The following HOOK3 variants were observed in gnomAD, a reference collection of about 807,000 sequenced individuals.
HOOK3 encodes hook microtubule tethering protein 3.
Under a neutral mutation model 116.3 loss-of-function variants are expected in HOOK3, and 24 were observed. That is an observed-to-expected ratio of 0.21 (90% CI 0.15 to 0.29). HOOK3 has a LOEUF of 0.29. HOOK3 is among the 10% of genes least tolerant of loss of function. HOOK3 has a pLI of 1.00. For missense variants in HOOK3, 632 were observed against 830.2 expected, an observed-to-expected ratio of 0.76 and a Z score of 2.93; for synonymous variants, 275 against 283.0, an observed-to-expected ratio of 0.97 and a Z score of 0.28.
chr8:42,942,232 A>G (rs1290387637), intron 4 of HOOK3, among the ~76,000 whole-genome samples: 1 of 152,230 alleles, frequency 6.6e-6, no homozygotes, highest in African/African-American at 2.4e-5. Flanking sequence ...AGCCTGGGCA[A>G]CAAGAGTGAA....
At chr8:42,908,831 CTT>C (rs1200580295) in intron 2 of HOOK3, among the ~76,000 whole-genome samples, 1 of 152,166 alleles carries the variant, frequency 6.6e-6, no homozygotes, top group Non-Finnish European at 1.5e-5. Flanking sequence ...AAACTGAAAA[CTT>C]TTGCATGACA....
chr8:42,938,793 A>G (rs1162567238), intron 4 of HOOK3, among the ~76,000 whole-genome samples: 1 of 151,942 alleles, frequency 6.6e-6, no homozygotes, highest in Non-Finnish European at 1.5e-5. Context: ...ACAGGACAAT[A>G]GTGGAGGGAA....
At chr8:42,909,799 G>A (rs991231130) in intron 2 of HOOK3, among the ~76,000 whole-genome samples, 2 of 152,162 alleles carry the variant, frequency 1.3e-5, no homozygotes, top group African/African-American at 4.8e-5. Flanking sequence ...TTTCAACAAC[G>A]TGGACAAACC....
intron 15 of HOOK3, among the ~76,000 whole-genome samples, chr8:42,988,192 G>A (rs574527437): frequency 1.3e-5 from 2 of 152,314 alleles, no homozygotes. Context: ...AGAAATGAGG[G>A]ATTTTTTAAA....
chr8:42,921,294 C>T (rs1223662591), intron 2 of HOOK3, among the ~76,000 whole-genome samples: 1 of 151,962 alleles, frequency 6.6e-6, no homozygotes, highest in African/African-American at 2.4e-5. Context: ...GGATAGTCAT[C>T]AGCTGCAGGG....
At chr8:43,014,285 GAAAAAAAAAAA>G (rs1195987584) in intron 21 of HOOK3, among the ~76,000 whole-genome samples, 5 of 66,696 alleles carry the variant, frequency 7.5e-5, no homozygotes, top group Admixed American at 1.7e-4. Flanking sequence ...GACTGTCTCA[GAAAAAAAAAAA>G]AAAAAAAAAA....
At chr8:43,010,450 A>G in intron 19 of HOOK3, 45 bp downstream of exon 19, 1 of 642,644 alleles carries the variant, frequency 1.6e-6, no homozygotes. Context: ...TTCTGATCAC[A>G]TTTCAGTGAA....
In HOOK3 at chr8:42,987,404, T is replaced by A. The variant is rs146781043; in HGVS notation, c.1532+609T>A. On this transcript the variant is annotated intron_variant, in intron 15 of 21. Coordinates refer to ENST00000307602, the MANE Select transcript of HOOK3 (RefSeq NM_032410.4). The stretch of plus-strand genomic sequence containing the variant: ...TCACTAATTAAAACTAGAGGATTTT[T>A]AAAAATCCGATAATTCAGTCTTTCA... Among the ~76,000 whole-genome samples the A allele has an allele frequency of 2.7e-3, 415 of 152,320 alleles. 1 individual carries two copies. The highest frequency in any genetic ancestry group is 9.0e-3 in the African/African-American group (374 of 41,568).
At chr8:42,962,783 C>T (rs1808558630) in intron 8 of HOOK3, among the ~76,000 whole-genome samples, 2 of 137,568 alleles carry the variant, frequency 1.5e-5, no homozygotes, top group Admixed American at 7.4e-5. Flanking sequence ...TTTTTTTGGT[C>T]TGACTTCTTC....
intron 10 of HOOK3, among the ~76,000 whole-genome samples, chr8:42,966,865 C>T (rs181290049): frequency 5.9e-5 from 9 of 152,208 alleles, no homozygotes; most frequent in Non-Finnish European, 1.2e-4. Flanking sequence ...GGCAATTAAG[C>T]GATACACAAG....
At chr8:42,973,453 TTA>T in intron 12 of HOOK3, 54 bp downstream of exon 12, 2 of 1,096,094 alleles carry the variant, frequency 1.8e-6, no homozygotes, top group Non-Finnish European at 2.6e-6. Context: ...ATTAAGGCGA[TTA>T]TGTTTAATTC....
intron 15 of HOOK3, among the ~76,000 whole-genome samples, chr8:42,996,271 A>G (rs1407923731): frequency 1.3e-5 from 2 of 151,962 alleles, no homozygotes; most frequent in African/African-American, 4.8e-5. Context: ...CTGTAATCCC[A>G]ACTACTCAGG....
intron 8 of HOOK3, among the ~76,000 whole-genome samples, chr8:42,962,909 C>A (rs1381238819): frequency 6.8e-6 from 1 of 147,506 alleles, no homozygotes; most frequent in Non-Finnish European, 1.5e-5. Context: ...TCAAGCTATT[C>A]TCTTGCCTCA....
intron 16 of HOOK3, among the ~76,000 whole-genome samples, chr8:42,998,889 T>G (rs566832372): frequency 5.1e-4 from 77 of 152,374 alleles, no homozygotes; most frequent in African/African-American, 1.8e-3. Context: ...ATTAGTGTAT[T>G]GAAATATTAT....
At chr8:42,988,108 G>A (rs1417049644) in intron 15 of HOOK3, among the ~76,000 whole-genome samples, 1 of 152,168 alleles carries the variant, frequency 6.6e-6, no homozygotes, top group Non-Finnish European at 1.5e-5. Flanking sequence ...CAGTATAAAT[G>A]CTAGAGTGAT....
rs1272560887 is a variant in HOOK3 at position 43,027,870 on chromosome 8, T to C, written c.*9372T>C. On this transcript the variant is annotated 3_prime_UTR_variant, in exon 22 of 22. Coordinates refer to ENST00000307602, the MANE Select transcript of HOOK3 (RefSeq NM_032410.4). ...TATCAGACAGTACAGGTATAGAACA[T>C]TTCCAGTATTGCCAAAAATGCTATT... 1 of 200,752 alleles carries C rather than the reference T, an allele frequency of 5.0e-6. No individual in the cohort carries two copies. The highest frequency in any genetic ancestry group is 1.0e-5 in the Non-Finnish European group (1 of 97,448). 12.4% of individuals were successfully genotyped at this position (200,752 alleles called of 1,614,324 possible).
In HOOK3 at chr8:43,028,437, A is replaced by T. The variant is rs1809972152; in HGVS notation, c.*9939A>T. 5.4e-6 allele frequency: 1 copy of T among 185,310 alleles called. No individual in the cohort carries two copies. 11.5% of individuals were successfully genotyped at this position (185,310 alleles called of 1,614,324 possible). A position where few individuals can be genotyped will look rare whatever the true frequency, so the allele number is the denominator to read the frequency against. On this transcript the variant is annotated 3_prime_UTR_variant, in exon 22 of 22. Coordinates refer to ENST00000307602, the MANE Select transcript of HOOK3 (RefSeq NM_032410.4). The stretch of plus-strand genomic sequence containing the variant: ...ATATGAATGCTTATTTCAAATAAAG[A>T]TTGATAGATTTAATGATATCCTTCC...
intron 2 of HOOK3, among the ~76,000 whole-genome samples, chr8:42,916,765 G>A (rs899676877): frequency 2.0e-5 from 3 of 152,136 alleles, no homozygotes; most frequent in Admixed American, 2.0e-4. Flanking sequence ...TCAACCTACT[G>A]TCTGTCTCCC....
At chr8:42,907,627 A>G (rs1807336240) in intron 2 of HOOK3, among the ~76,000 whole-genome samples, 1 of 152,118 alleles carries the variant, frequency 6.6e-6, no homozygotes, top group African/African-American at 2.4e-5. Flanking sequence ...AGCTAAGTGA[A>G]CTTTACAGGT....
Sources: allele counts gnomAD v4.1 joint callset (sites outside exome capture counted in the v4.1 genomes callset), GRCh38; gene constraint gnomAD v4.1.1; transcripts MANE v1.5; gene names NCBI Gene and HGNC (gene_info 2026-07-23, HGNC 2026-07-21).